The following ADGRG1 variants were observed in gnomAD, a reference collection of about 807,000 sequenced individuals.
ADGRG1 encodes the protein adhesion G protein-coupled receptor G1.
ADGRG1 carries 53 observed loss-of-function variants against 73.5 expected under a neutral mutation model. The ratio of observed to expected loss-of-function variants is 0.72; its 90% CI spans 0.58 to 0.91. The LOEUF (loss-of-function observed/expected upper bound fraction) is 0.91. ADGRG1 is among the 40% of genes least tolerant of loss of function. ADGRG1 has a pLI of 0.00. For synonymous variants in ADGRG1, 394 were observed against 374.4 expected (o/e 1.05, Z -0.60); for missense variants, 795 against 871.8 (o/e 0.91, Z 1.11).
Position 57,651,242 on chromosome 16 carries a change from G to A in ADGRG1, c.107G>A (p.Ser36Asn). ...CACAGGGAAGACTTTCGCTTCTGCA[G>A]CCAGCGGAACCAGACACACAGGAGC... ...RGHREDFRFCSQRNQTHRSSL... is the reference protein window; with the variant it reads ...RGHREDFRFCNQRNQTHRSSL... The change falls in exon 3 of 14, where the codon AGC becomes AAC. Residue 36 changes from serine to asparagine, a missense_variant. Ser to Asn is a conservative substitution (Grantham distance 46). Coordinates refer to ENST00000562631, the MANE Select transcript of ADGRG1 (RefSeq NM_201525.4). The A allele has an allele frequency of 1.2e-6, 2 of 1,614,180 alleles. No homozygotes were observed. Among genetic ancestry groups the A allele is most frequent in the Non-Finnish European group, 1.7e-6 (2 of 1,180,026 alleles).
upstream of ADGRG1, chr16:57,627,016 T>C: frequency 1.0e-6 from 1 of 984,000 alleles, no homozygotes; most frequent in South Asian, 4.7e-5. Flanking sequence ...TGTGCCTCCC[T>C]GCCCCAGGTA....
intron 1 of ADGRG1, chr16:57,646,844 A>G (rs1398330904): frequency 1.2e-6 from 1 of 841,460 alleles, no homozygotes; most frequent in Non-Finnish European, 1.4e-6. Context: ...TGTCACCACT[A>G]ACATTATCAT....
At chr16:57,647,081 G>A (rs2042847482) in intron 1 of ADGRG1, 5 of 984,006 alleles carry the variant, frequency 5.1e-6, no homozygotes, top group Non-Finnish European at 6.0e-6. Context: ...GGGTGGGCAG[G>A]TGGCAGGTGT....
intron 6 of ADGRG1, 117 bp downstream of exon 6, chr16:57,655,647 GT>G (rs2045529016): frequency 6.3e-7 from 1 of 1,585,914 alleles, no homozygotes; most frequent in African/African-American, 1.3e-5. Flanking sequence ...TCCTTGTAAA[GT>G]TACAAATTGC....
chr16:57,630,580 G>A, intron 1 of ADGRG1: 1 of 961,594 alleles, frequency 1.0e-6, no homozygotes, highest in African/African-American at 1.8e-5. Context: ...ATCTGTGACG[G>A]ACAGGCTGTG....
chr16:57,655,822 C>G, intron 6 of ADGRG1, 54 bp from the exon 7 acceptor site: 10 of 1,613,686 alleles, frequency 6.2e-6, no homozygotes, highest in Non-Finnish European at 8.5e-6. Context: ...CTGGGCCCTT[C>G]TTCTCAGTCC....
intron 2 of ADGRG1, among the ~76,000 whole-genome samples, chr16:57,622,511 T>C (rs1227987365): frequency 6.6e-6 from 1 of 152,100 alleles, no homozygotes; most frequent in Non-Finnish European, 1.5e-5. Context: ...CAGGGATGTG[T>C]AGAGTCTCAC....
chr16:57,628,474 G>T (rs2036343142), upstream of ADGRG1: 1 of 978,452 alleles, frequency 1.0e-6, no homozygotes, highest in Non-Finnish European at 1.2e-6. Flanking sequence ...CTGCCTCAGC[G>T]CTCTCAGCCC....
chr16:57,651,323 A>T lies in ADGRG1; in HGVS notation c.188A>T (p.Glu63Val). The T allele has an allele frequency of 6.2e-7, 1 of 1,614,040 alleles. No homozygotes were observed. The highest frequency in any genetic ancestry group is 1.1e-5 in the South Asian group (1 of 91,054). Reference sequence around the variant, plus strand: ...CGCATCTCCATCGAGAACTCCGAAGAGGCCCTCACAGTCCATGCCCCTTTC... The same window carrying T: ...CGCATCTCCATCGAGAACTCCGAAGTGGCCCTCACAGTCCATGCCCCTTTC... Reference protein sequence around the residue: ...DLRISIENSEEALTVHAPFPA... With the variant: ...DLRISIENSEVALTVHAPFPA... Residue 63 changes from glutamate (E) to valine (V), a missense_variant, in exon 3 of 14, where the codon GAG (glutamate) becomes GTG (valine). By Grantham distance (121) the Glu-to-Val change is moderately radical (BLOSUM62 -2). Transcript: ENST00000562631.
intron 1 of ADGRG1, among the ~76,000 whole-genome samples, chr16:57,638,899 G>C (rs570678771): frequency 6.6e-6 from 1 of 151,960 alleles, no homozygotes; most frequent in African/African-American, 2.4e-5. Context: ...GTGAAACCCC[G>C]TCTCTACTAA....
At chr16:57,622,332 C>G (rs559099028) in intron 2 of ADGRG1, among the ~76,000 whole-genome samples, 1 of 152,072 alleles carries the variant, frequency 6.6e-6, no homozygotes, top group African/African-American at 2.4e-5. Flanking sequence ...TGCTGGGTGG[C>G]GTCTAGGTGG....
In ADGRG1 at chr16:57,656,617, G is replaced by A; in HGVS notation, c.1167G>A (p.Met389Ile). 1 of 1,592,008 alleles carries A rather than the reference G, an allele frequency of 6.3e-7. No homozygotes were observed. The highest frequency in any genetic ancestry group is 1.1e-5 in the South Asian group (1 of 90,692). ...ACTTGACCTACTTTGCAGTGCTGAT[G>A]GTGAGGGTCCCTGCTCCCACCTCGC... ...CNHLTYFAVL[M>I]VSSVEVDAVH... Residue 389 changes from methionine to isoleucine, a missense_variant and splice_region_variant, in exon 9 of 14, where the codon ATG (methionine) becomes ATA (isoleucine). Met to Ile is a conservative substitution (Grantham distance 10). Coordinates refer to ENST00000562631, the MANE Select transcript of ADGRG1 (RefSeq NM_201525.4).
At chr16:57,627,725 A>G (rs1381316280), upstream of ADGRG1, 7 of 794,840 alleles carry the variant, frequency 8.8e-6, no homozygotes, top group African/African-American at 2.3e-4. Context: ...ATCTATCCTC[A>G]TTGCTCGGAG....
chr16:57,633,229 A>C, intron 1 of ADGRG1: 1 of 715,988 alleles, frequency 1.4e-6, no homozygotes, highest in Admixed American at 6.3e-5. Context: ...GTATGTACCT[A>C]GCACAGTGCA....
chr16:57,627,247 A>T (rs527726806), upstream of ADGRG1: 47 of 208,196 alleles, frequency 2.3e-4, 1 homozygote, highest in South Asian at 7.5e-3. Flanking sequence ...TCCACGTGGC[A>T]TGGGGAAGCT....
intron 1 of ADGRG1, chr16:57,646,798 C>T (rs1016681743): frequency 2.4e-6 from 2 of 829,914 alleles, no homozygotes; most frequent in African/African-American, 3.7e-5. Context: ...ACCCGTATCA[C>T]AGGGTGGTTC....
chr16:57,624,687 C>T (rs888982321), upstream of ADGRG1: 27 of 982,298 alleles, frequency 2.7e-5, no homozygotes, highest in Admixed American at 3.7e-4. Context: ...ACCATGTCTT[C>T]CTACTCCCCC....
chr16:57,631,324 G>A (rs571965397), intron 1 of ADGRG1: 29 of 985,712 alleles, frequency 2.9e-5, no homozygotes, highest in African/African-American at 2.1e-4. Flanking sequence ...TCCTCCAGCC[G>A]GACTGGGATG....
intron 1 of ADGRG1, chr16:57,647,420 G>C: frequency 1.0e-6 from 1 of 985,316 alleles, no homozygotes; most frequent in Non-Finnish European, 1.2e-6. Flanking sequence ...CTGAGTTAGG[G>C]GCAGGCATGA....
Sources: allele counts gnomAD v4.1 joint callset (sites outside exome capture counted in the v4.1 genomes callset), GRCh38; gene constraint gnomAD v4.1.1; transcripts MANE v1.5; gene names NCBI Gene and HGNC (gene_info 2026-07-23, HGNC 2026-07-21).